Variants in CROCC observed in about 807,000 individuals in gnomAD.
The protein encoded by CROCC is ciliary rootlet coiled-coil, rootletin.
Under a neutral mutation model 245.2 loss-of-function variants are expected in CROCC, and 180 were observed. The ratio of observed to expected loss-of-function variants is 0.73; its 90% CI spans 0.65 to 0.83. CROCC has a LOEUF of 0.83. Ranked by LOEUF, CROCC falls within the 40% of genes least tolerant of loss-of-function variation. CROCC has a pLI of 0.00. For missense variants in CROCC, 2,688 were observed against 2,779.4 expected (o/e 0.97, Z 0.74); for synonymous variants, 1,205 against 1,241.6 (o/e 0.97, Z 0.62).
At position 16,929,959 on chromosome 1, in the gene CROCC, C is replaced by T. The variant is rs766925565; in HGVS notation, c.465C>T (p.Tyr155=). 3 of 1,586,008 alleles carry T rather than the reference C, an allele frequency of 1.9e-6. No individual in the cohort carries two copies. Among genetic ancestry groups the T allele is most frequent in the Non-Finnish European group, 2.6e-6 (3 of 1,169,522 alleles). The stretch of plus-strand genomic sequence containing the variant: ...AGCTGCAGGAGGAGCAGGCCTCCTA[C>T]CGGCGCAAGCTGCAGGCCTACCAGG... ...RRQLQEEQAS[Y]RRKLQAYQEG... The change falls in exon 4 of 37, where the codon TAC becomes TAT. Residue 155 remains tyrosine, a synonymous_variant. Coordinates refer to ENST00000375541, the MANE Select transcript of CROCC (RefSeq NM_014675.5).
At chr1:16,937,267 C>T (rs2075811806) in intron 9 of CROCC, among the ~76,000 whole-genome samples, 1 of 152,112 alleles carries the variant, frequency 6.6e-6, no homozygotes, top group Non-Finnish European at 1.5e-5. Context: ...ACAGGAGAAT[C>T]GCTTGAACCC....
intron 36 of CROCC, among the ~76,000 whole-genome samples, chr1:16,972,122 A>G (rs2076531676): frequency 6.6e-6 from 1 of 152,188 alleles, no homozygotes; most frequent in Admixed American, 6.5e-5. Context: ...CGCCCACCCA[A>G]GTGATGATGG....
intron 13 of CROCC, among the ~76,000 whole-genome samples, chr1:16,941,877 T>G (rs1216655854): frequency 6.6e-6 from 1 of 152,190 alleles, no homozygotes; most frequent in Non-Finnish European, 1.5e-5. Flanking sequence ...TTTCTTGGAG[T>G]TTTTTTTAGA....
intron 24 of CROCC, 152 bp downstream of exon 24, chr1:16,955,702 C>T (rs1004439740): frequency 4.8e-6 from 4 of 838,278 alleles, no homozygotes; most frequent in Non-Finnish European, 1.8e-6. Context: ...AGGAAGGTTT[C>T]CTCCCTGTTG....
intron 13 of CROCC, among the ~76,000 whole-genome samples, chr1:16,943,110 C>T (rs138240666): frequency 0.018 from 2,676 of 151,966 alleles, 51 homozygotes; most frequent in African/African-American, 0.062. Context: ...TCCGTGGTGG[C>T]ACATGGCTGT....
chr1:16,928,790 A>C (rs1410252674), intron 3 of CROCC, among the ~76,000 whole-genome samples: 16 of 152,056 alleles, frequency 1.1e-4, no homozygotes, highest in African/African-American at 3.6e-4. Context: ...GAGACAGTGC[A>C]AGACTCTGTC....
chr1:16,942,815 C>T (rs1161421180), intron 13 of CROCC, among the ~76,000 whole-genome samples: 5 of 152,264 alleles, frequency 3.3e-5, no homozygotes, highest in Non-Finnish European at 5.9e-5. Context: ...TACTTAACAG[C>T]ACATTGTCGA....
rs143034867 is a variant in CROCC at position 16,930,315 on chromosome 1, C to A, written c.651C>A (p.Ser217Arg). ...CAGAGCACAGCCAAGACCTGGAAAGCGCCCTCATCCGGCTGGAGGAGGAGC... is the reference window on the plus strand; with the variant it reads ...CAGAGCACAGCCAAGACCTGGAAAGAGCCCTCATCCGGCTGGAGGAGGAGC... ...RDTEHSQDLE[S>R]ALIRLEEEQQ... Residue 217 changes from serine (S) to arginine (R), a missense_variant, in exon 6 of 37, where the codon AGC (serine) becomes AGA (arginine). Ser to Arg is a moderately radical substitution (Grantham distance 110). This residue lies in a region of CROCC where 972 missense variants were observed against 895.3 expected (regional missense o/e 1.09). Coordinates refer to ENST00000375541, the MANE Select transcript of CROCC (RefSeq NM_014675.5). The A allele has an allele frequency of 1.2e-6, 2 of 1,607,276 alleles. No individual in the cohort carries two copies. The highest frequency in any genetic ancestry group is 2.2e-5 in the East Asian group (1 of 44,772).
chr1:16,939,861 C>CG, intron 12 of CROCC, 33 bp from the exon 13 acceptor site: 1 of 1,595,962 alleles, frequency 6.3e-7, no homozygotes, highest in Non-Finnish European at 8.6e-7. Flanking sequence ...GCCTCTCAGG[C>CG]CCCCCCAGAC....
Position 16,972,588 on chromosome 1 carries a change from A to AG in CROCC, c.*144dup, listed in dbSNP as rs754646316. 1.2e-4 allele frequency: 69 copies of AG among 580,428 alleles called. No individual in the cohort carries two copies. The highest frequency in any genetic ancestry group is 1.8e-4 in the Non-Finnish European group (59 of 329,006). 36.0% of individuals were successfully genotyped at this position (580,428 alleles called of 1,614,324 possible). On this transcript the variant is annotated 3_prime_UTR_variant, in exon 37 of 37. Coordinates refer to ENST00000375541, the MANE Select transcript of CROCC (RefSeq NM_014675.5). Reference sequence around the variant, plus strand: ...AGGAGGCGCTCTGCTGGCAGTGCTGAGGACGGGTACTCCAGCTCCAGGCCT... The same window carrying AG: ...AGGAGGCGCTCTGCTGGCAGTGCTGAGGGACGGGTACTCCAGCTCCAGGCCT...
intron 3 of CROCC, among the ~76,000 whole-genome samples, chr1:16,925,418 G>A (rs549483040): frequency 1.3e-5 from 2 of 152,402 alleles, no homozygotes; most frequent in East Asian, 3.9e-4. Context: ...GCCAGTTAAA[G>A]TTAGACACCA....
intron 35 of CROCC, 79 bp from the exon 36 acceptor site, chr1:16,971,382 CAGGG>C: frequency 6.9e-7 from 1 of 1,445,814 alleles, no homozygotes; most frequent in African/African-American, 1.4e-5. Context: ...GGCCGTGTCC[CAGGG>C]AGGTACCTGA....
At chr1:16,936,509 T>A (rs1384516209) in intron 8 of CROCC, 128 bp from the exon 9 acceptor site, 27 of 939,372 alleles carry the variant, frequency 2.9e-5, no homozygotes, top group South Asian at 1.7e-4. Context: ...CCTCACGTGA[T>A]CTGCCCGCCT....
At chr1:16,950,440 C>T (rs932729145) in intron 19 of CROCC, among the ~76,000 whole-genome samples, 3 of 151,852 alleles carry the variant, frequency 2.0e-5, no homozygotes, top group Non-Finnish European at 2.9e-5. Flanking sequence ...CTCACTGCAA[C>T]TTCTGCCTCT....
chr1:16,958,545 G>A, intron 25 of CROCC, 38 bp from the exon 26 acceptor site: 2 of 1,548,380 alleles, frequency 1.3e-6, no homozygotes, highest in African/African-American at 2.7e-5. Flanking sequence ...GGGTACAGGG[G>A]CAGAGCTGAA....
intron 8 of CROCC, among the ~76,000 whole-genome samples, chr1:16,933,524 C>T (rs1416576526): frequency 6.6e-6 from 1 of 152,246 alleles, no homozygotes; most frequent in Non-Finnish European, 1.5e-5. Context: ...TTGTTTGAAT[C>T]TCGATCCATA....
At position 16,955,320 on chromosome 1, in the gene CROCC, G is replaced by A; in HGVS notation, c.3474G>A (p.Glu1158=). ...ACCTGCTGTGCTCACAGGCAGAAGAGCTTCGGACCCAGCTGCGTCTGCTGG... is the reference window on the plus strand; with the variant it reads ...ACCTGCTGTGCTCACAGGCAGAAGAACTTCGGACCCAGCTGCGTCTGCTGG... ...QRDSCLREAE[E]LRTQLRLLED... The change falls in exon 24 of 37, where the codon GAG becomes GAA. Residue 1158 remains glutamate, a synonymous_variant. Coordinates refer to ENST00000375541, the MANE Select transcript of CROCC (RefSeq NM_014675.5). 1 of 1,607,772 alleles carries A rather than the reference G, an allele frequency of 6.2e-7. No homozygotes were observed. The highest frequency in any genetic ancestry group is 8.5e-7 in the Non-Finnish European group (1 of 1,179,658).
chr1:16,966,249 C>G lies in CROCC; in HGVS notation c.4696+130C>G, dbSNP rs2076415954. 1 of 1,451,232 alleles carries G rather than the reference C, an allele frequency of 6.9e-7. No homozygotes were observed. Among genetic ancestry groups the G allele is most frequent in the Non-Finnish European group, 9.2e-7 (1 of 1,092,634 alleles). The allele number at this position is 1,451,232 out of a possible 1,614,324, so 89.9% of individuals were successfully genotyped here. The stretch of plus-strand genomic sequence containing the variant: ...ACTCGGGGCTGTCTCCAAGAGGACC[C>G]TCCTTGGACAGCCTCACCTGTGTGC... On this transcript the variant is annotated intron_variant, in intron 29 of 36. Transcript: ENST00000375541. The surrounding 1 kb of genome is among the most constrained non-coding windows in gnomAD (Gnocchi z 4.8).
At position 16,924,300 on chromosome 1, in the gene CROCC, C is replaced by T. The variant is rs1239943189; in HGVS notation, c.197-25C>T. Reference sequence around the variant, plus strand: ...ATGTCCCACTGGACCCAGAAGCCAACCATGTGCCCACTGTCCCTTGCCAGT... The same window carrying T: ...ATGTCCCACTGGACCCAGAAGCCAATCATGTGCCCACTGTCCCTTGCCAGT... On this transcript the variant is annotated intron_variant, in intron 2 of 36. Coordinates refer to ENST00000375541, the MANE Select transcript of CROCC (RefSeq NM_014675.5). 3.7e-6 allele frequency: 6 copies of T among 1,605,170 alleles called. No homozygotes were observed. In the Admixed American group the frequency reaches 8.3e-5, roughly 22 times the overall value.
Sources: gnomAD v4.1 joint callset for allele counts (sites outside exome capture counted in the v4.1 genomes callset) on GRCh38, gnomAD v4.1.1 for gene constraint, gnomAD v4.1.1 regional missense constraint, Gnocchi (gnomAD v3.1) non-coding constraint, MANE v1.5 for transcripts, NCBI Gene and HGNC (gene_info 2026-07-23, HGNC 2026-07-21) for gene names.